Variants in EDIL3 observed in about 807,000 individuals in gnomAD.
The protein encoded by EDIL3 is EGF like and discoidin domains 3, also known as EGF-like repeat and discoidin I-like domain-containing protein 3.
A neutral mutation model predicts 67.4 loss-of-function variants in EDIL3; 37 were observed. That is an observed-to-expected ratio of 0.55 (90% confidence interval 0.42 to 0.72). The LOEUF is 0.72. Ranked by LOEUF, EDIL3 falls within the 30% of genes least tolerant of loss-of-function variation. The probability of loss-of-function intolerance (pLI) is 0.00; values close to 1 mark genes in which losing one functional copy is unlikely to be tolerated. For synonymous variants in EDIL3, 195 were observed against 196.3 expected, an observed-to-expected ratio of 0.99 and a Z score of 0.05; for missense variants, 527 against 586.3, an observed-to-expected ratio of 0.90 and a Z score of 1.04.
At chr5:84,083,795 G>C (rs1162378588) in intron 6 of EDIL3, among the ~76,000 whole-genome samples, 2 of 152,112 alleles carry the variant, frequency 1.3e-5, no homozygotes, top group African/African-American at 4.8e-5. Context: ...AAATATAGAA[G>C]AAAGATGAGT....
intron 1 of EDIL3, among the ~76,000 whole-genome samples, chr5:84,365,227 G>A (rs1747703831): frequency 6.6e-6 from 1 of 152,052 alleles, no homozygotes; most frequent in Non-Finnish European, 1.5e-5. Context: ...ACTGAACACA[G>A]AAACAACCAG....
chr5:84,261,772 TCTTAGA>T (rs1241756666), intron 1 of EDIL3, among the ~76,000 whole-genome samples: 2 of 148,804 alleles, frequency 1.3e-5, no homozygotes, highest in Admixed American at 6.6e-5. Flanking sequence ...CAAAGAAACC[TCTTAGA>T]CTTAGACTCA....
intron 6 of EDIL3, among the ~76,000 whole-genome samples, chr5:84,084,203 A>C (rs1747027748): frequency 6.6e-6 from 1 of 152,174 alleles, no homozygotes; most frequent in African/African-American, 2.4e-5. Context: ...ATTTTGCCAA[A>C]CAGATGTTGG....
chr5:84,096,187 C>T (rs947216621), intron 6 of EDIL3, among the ~76,000 whole-genome samples: 1 of 152,150 alleles, frequency 6.6e-6, no homozygotes, highest in Non-Finnish European at 1.5e-5. Context: ...CACTGGGGCA[C>T]CACCTAGTGG....
At chr5:84,089,192 C>A (rs1294821400) in intron 6 of EDIL3, among the ~76,000 whole-genome samples, 1 of 152,194 alleles carries the variant, frequency 6.6e-6, no homozygotes, top group Non-Finnish European at 1.5e-5. Context: ...CATAAATGGC[C>A]AACGGCTTAG....
Position 84,373,239 on chromosome 5 carries a change from G to A in EDIL3, c.67+11069C>T, listed in dbSNP as rs148455432. 3.1e-3 allele frequency among the ~76,000 whole-genome samples: 471 copies of A among 152,124 alleles called. 2 individuals carry two copies. Among genetic ancestry groups the A allele is most frequent in the African/African-American group, 0.01 (435 of 41,502 alleles). ...GTCATCCTCCCCAACATTTCTTGGG[G>A]CACAAGATTTTGGGATTTTAATAAC... On this transcript the variant is annotated intron_variant, in intron 1 of 10. Coordinates refer to ENST00000296591, the MANE Select transcript of EDIL3 (RefSeq NM_005711.5).
chr5:84,123,519 A>T (rs2112301181), intron 5 of EDIL3, among the ~76,000 whole-genome samples: 1 of 152,094 alleles, frequency 6.6e-6, no homozygotes, highest in South Asian at 2.1e-4. Flanking sequence ...GTGTCAACAG[A>T]TTAGAAAGTA....
At chr5:84,123,203 T>C (rs1288646172) in intron 5 of EDIL3, among the ~76,000 whole-genome samples, 2 of 151,950 alleles carry the variant, frequency 1.3e-5, no homozygotes, top group African/African-American at 2.4e-5. Context: ...TCTTCAAACA[T>C]GAAACCAGCA....
At chr5:84,266,099 T>A (rs967457051) in intron 1 of EDIL3, among the ~76,000 whole-genome samples, 1 of 152,202 alleles carries the variant, frequency 6.6e-6, no homozygotes, top group Non-Finnish European at 1.5e-5. Flanking sequence ...TTTTGTTACC[T>A]CTCTGGGCTA....
chr5:84,074,003 T>G (rs1746800452), intron 6 of EDIL3, among the ~76,000 whole-genome samples: 1 of 151,526 alleles, frequency 6.6e-6, no homozygotes, highest in African/African-American at 2.4e-5. Flanking sequence ...AACAGAGATC[T>G]AGATCAATGG....
At chr5:84,309,571 C>T (rs2112140656) in intron 1 of EDIL3, among the ~76,000 whole-genome samples, 1 of 151,362 alleles carries the variant, frequency 6.6e-6, no homozygotes, top group East Asian at 2.0e-4. Context: ...TCAATTCCCA[C>T]CTATGAGCGA....
chr5:83,963,770 G>T (rs1272951534), intron 9 of EDIL3, among the ~76,000 whole-genome samples: 1 of 150,792 alleles, frequency 6.6e-6, no homozygotes, highest in Non-Finnish European at 1.5e-5. Flanking sequence ...GATTTTATTG[G>T]TCATTTCAAT....
chr5:84,024,529 A>G (rs1745777908), intron 9 of EDIL3, among the ~76,000 whole-genome samples: 1 of 152,122 alleles, frequency 6.6e-6, no homozygotes, highest in South Asian at 2.1e-4. Context: ...TCCTGTTGTC[A>G]TTGACCCCAC....
At position 83,977,258 on chromosome 5, in the gene EDIL3, AT is replaced by A. The variant is rs1209057754; in HGVS notation, c.1138-13899del. 2.0e-5 allele frequency among the ~76,000 whole-genome samples: 3 copies of A among 151,956 alleles called. No homozygotes were observed. The East Asian group carries it at 5.8e-4, about 29-fold the overall frequency. On this transcript the variant is annotated intron_variant, in intron 9 of 10. Transcript: ENST00000296591. ...CTAACTTGGTGATTACCATTAGAAG[AT>A]TTTTTTCAAGTGAAAACATTTTATG... is the stretch of plus-strand genomic sequence containing the variant.
intron 1 of EDIL3, among the ~76,000 whole-genome samples, chr5:84,257,794 T>C (rs1448560247): frequency 6.6e-6 from 1 of 152,116 alleles, no homozygotes; most frequent in Non-Finnish European, 1.5e-5. Context: ...TATATTTCAC[T>C]GAGTCTATTA....
At chr5:84,222,475 T>C (rs1744361633) in intron 3 of EDIL3, among the ~76,000 whole-genome samples, 2 of 151,682 alleles carry the variant, frequency 1.3e-5, no homozygotes, top group Non-Finnish European at 1.5e-5. Flanking sequence ...CATCACAGAG[T>C]TCATAATAAA....
chr5:83,942,542 A>G lies in EDIL3; in HGVS notation c.*877T>C, dbSNP rs1744242997. 1 of 152,066 alleles carries G rather than the reference A, an allele frequency of 6.6e-6. No individual in the cohort carries two copies. Among genetic ancestry groups the G allele is most frequent in the African/African-American group, 2.4e-5 (1 of 41,444 alleles). 9.4% of individuals were successfully genotyped at this position (152,066 alleles called of 1,614,324 possible). On this transcript the variant is annotated 3_prime_UTR_variant, in exon 11 of 11. Coordinates refer to ENST00000296591, the MANE Select transcript of EDIL3 (RefSeq NM_005711.5). ...TCTAAATGAAGATTTAAATTTAAAG[A>G]GACATATATATTTTTTGTTCTTTTG...
intron 2 of EDIL3, among the ~76,000 whole-genome samples, chr5:84,238,567 A>C (rs138200186): frequency 6.6e-6 from 1 of 151,714 alleles, no homozygotes; most frequent in East Asian, 1.9e-4. Context: ...GATTACGTAG[A>C]GCTAATCTAA....
At chr5:84,211,392 C>G (rs1744114713) in intron 3 of EDIL3, among the ~76,000 whole-genome samples, 2 of 152,226 alleles carry the variant, frequency 1.3e-5, no homozygotes. Context: ...CAGATGCCAG[C>G]ACTATGCTTC....
Sources: gnomAD v4.1 joint callset for allele counts (sites outside exome capture counted in the v4.1 genomes callset) on GRCh38, gnomAD v4.1.1 for gene constraint, MANE v1.5 for transcripts, NCBI Gene and HGNC (gene_info 2026-07-23, HGNC 2026-07-21) for gene names.